Variants in ARHGEF10L observed in about 807,000 individuals in gnomAD.
ARHGEF10L encodes rho guanine nucleotide exchange factor 10-like protein.
A neutral mutation model predicts 141.2 loss-of-function variants in ARHGEF10L; 69 were observed. The ratio of observed to expected loss-of-function variants is 0.49; its 90% CI spans 0.40 to 0.60. The LOEUF (loss-of-function observed/expected upper bound fraction) is 0.60, where lower values mean the gene tolerates loss of function less well. Among genes scored for constraint, ARHGEF10L ranks in the 20% least tolerant of loss-of-function variants. ARHGEF10L has a pLI of 0.00. For synonymous variants in ARHGEF10L, 711 were observed against 718.5 expected, an observed-to-expected ratio of 0.99 and a Z score of 0.17; for missense variants, 1,482 against 1,734.3, an observed-to-expected ratio of 0.85 and a Z score of 2.58.
At chr1:17,538,545 G>C (rs973777226), upstream of ARHGEF10L, among the ~76,000 whole-genome samples, 1 of 152,158 alleles carries the variant, frequency 6.6e-6, no homozygotes, top group African/African-American at 2.4e-5. Context: ...TGCGTGGCCT[G>C]TGTGGCTTGT....
chr1:17,684,489 C>T (rs1398648394), intron 26 of ARHGEF10L, among the ~76,000 whole-genome samples: 1 of 152,124 alleles, frequency 6.6e-6, no homozygotes, highest in Non-Finnish European at 1.5e-5. Flanking sequence ...CTCTGAGCCT[C>T]TTGCACCTGG....
chr1:17,664,489 C>T lies in ARHGEF10L; in HGVS notation c.2903C>T (p.Thr968Ile), dbSNP rs1408487264. The T allele has an allele frequency of 1.2e-6, 2 of 1,607,386 alleles. No individual in the cohort carries two copies. Among genetic ancestry groups the T allele is most frequent in the African/African-American group, 1.3e-5 (1 of 75,012 alleles). The change falls in exon 26 of 29, where the codon ACT becomes ATT. Residue 968 changes from threonine to isoleucine, a missense_variant. By Grantham distance (89) the Thr-to-Ile change is moderately conservative (BLOSUM62 -1). This residue lies in a region of ARHGEF10L where 858 missense variants were observed against 966.3 expected (regional missense o/e 0.89). Transcript: ENST00000361221. Reference protein sequence around the residue: ...WDLESPPVCLTVGPGPVRTLL... With the variant: ...WDLESPPVCLIVGPGPVRTLL... Reference sequence around the variant, plus strand: ...CTGGAGAGCCCTCCCGTGTGCCTGACTGTGGGGCCCGGGCCTGTCCGCACC... The same window carrying T: ...CTGGAGAGCCCTCCCGTGTGCCTGATTGTGGGGCCCGGGCCTGTCCGCACC...
chr1:17,597,434 G>T (rs1325459059), intron 4 of ARHGEF10L, among the ~76,000 whole-genome samples: 1 of 152,128 alleles, frequency 6.6e-6, no homozygotes, highest in Non-Finnish European at 1.5e-5. Context: ...CATCAGGGAG[G>T]GTCACGGGTA....
At chr1:17,605,259 G>A (rs533639214) in intron 6 of ARHGEF10L, among the ~76,000 whole-genome samples, 34 of 152,248 alleles carry the variant, frequency 2.2e-4, no homozygotes, top group African/African-American at 7.9e-4. Flanking sequence ...TTGTGCCTTG[G>A]CTTCTTCACA....
chr1:17,572,896 G>A (rs545869627), intron 1 of ARHGEF10L, among the ~76,000 whole-genome samples: 1 of 152,230 alleles, frequency 6.6e-6, no homozygotes, highest in African/African-American at 2.4e-5. Context: ...TTGGCCCCCT[G>A]GAGGCTTTAG....
chr1:17,641,056 G>A (rs1455773545), intron 21 of ARHGEF10L, among the ~76,000 whole-genome samples: 1 of 152,204 alleles, frequency 6.6e-6, no homozygotes, highest in African/African-American at 2.4e-5. Flanking sequence ...CGCAGACCCT[G>A]TGTGGCCTGA....
Position 17,637,955 on chromosome 1 carries a change from G to T in ARHGEF10L, c.1995G>T (p.Val665=). Residue 665 remains valine, a synonymous_variant, in exon 19 of 29, where the codon GTG becomes GTT. Transcript: ENST00000361221. ...ELQDLQKDLA[V]VEQITLLIST... is the part of the protein sequence containing the mutation. The stretch of plus-strand genomic sequence containing the variant: ...AGGACCTGCAGAAGGACCTGGCCGT[G>T]GTGGAGCAGATCACGCTTCTCATCA... 1 of 1,600,918 alleles carries T rather than the reference G, an allele frequency of 6.2e-7. No homozygotes were observed. Among genetic ancestry groups the T allele is most frequent in the Non-Finnish European group, 8.5e-7 (1 of 1,173,844 alleles).
chr1:17,552,571 G>GTTTTTTTTTTT (rs34766409), intron 1 of ARHGEF10L, among the ~76,000 whole-genome samples: 1 of 44,934 alleles, frequency 2.2e-5, no homozygotes, highest in African/African-American at 1.2e-4. Flanking sequence ...GCTAATTTTC[G>GTTTTTTTTTTT]TTTTTTTTTT....
chr1:17,682,795 A>T (rs551526112), intron 26 of ARHGEF10L, among the ~76,000 whole-genome samples: 1 of 152,222 alleles, frequency 6.6e-6, no homozygotes, highest in East Asian at 1.9e-4. Flanking sequence ...CTTAGAGAGT[A>T]GGACAGCCCC....
At chr1:17,624,798 G>T (rs1571027287) in intron 13 of ARHGEF10L, among the ~76,000 whole-genome samples, 2 of 152,286 alleles carry the variant, frequency 1.3e-5, no homozygotes, top group East Asian at 1.9e-4. Flanking sequence ...TGAGTGGGTG[G>T]GTCTGCCTGG....
At position 17,621,967 on chromosome 1, in the gene ARHGEF10L, G is replaced by A; in HGVS notation, c.1020+26G>A. The A allele has an allele frequency of 6.2e-7, 1 of 1,613,454 alleles. No homozygotes were observed. Among genetic ancestry groups the A allele is most frequent in the Non-Finnish European group, 8.5e-7 (1 of 1,179,398 alleles). ...GTGCGACTTCAGGGAGTTCTCAAGG[G>A]TCTCTGGGGAGAAGCAGGGAGGGCC... On this transcript the variant is annotated intron_variant, in intron 11 of 28. Transcript: ENST00000361221. The surrounding 1 kb of genome is among the most constrained non-coding windows in gnomAD (Gnocchi z 4.1).
the ARHGEF10L span, among the ~76,000 whole-genome samples, chr1:17,527,447 C>T: frequency 1.6e-4 from 25 of 152,306 alleles, no homozygotes; most frequent in African/African-American, 4.3e-4. Flanking sequence ...GAGGCTGGCA[C>T]GGCTCTGTTC....
intron 1 of ARHGEF10L, among the ~76,000 whole-genome samples, chr1:17,569,672 G>C (rs891203606): frequency 6.6e-6 from 1 of 152,112 alleles, no homozygotes; most frequent in African/African-American, 2.4e-5. Flanking sequence ...TGCCAACCTG[G>C]GACACCGGTG....
chr1:17,553,189 C>G (rs2252285), intron 1 of ARHGEF10L, among the ~76,000 whole-genome samples: 8,035 of 152,254 alleles, frequency 0.053, 253 homozygotes, highest in Middle Eastern at 0.065. Context: ...GGACTGGGAG[C>G]CAGTTGCCTG....
At chr1:17,685,163 C>T (rs2064458085) in intron 26 of ARHGEF10L, among the ~76,000 whole-genome samples, 1 of 152,228 alleles carries the variant, frequency 6.6e-6, no homozygotes, top group South Asian at 2.1e-4. Flanking sequence ...CACGCGAGGT[C>T]TTCGGGGGCT....
the ARHGEF10L span, among the ~76,000 whole-genome samples, chr1:17,526,136 A>C: frequency 2.0e-5 from 3 of 152,286 alleles, no homozygotes; most frequent in East Asian, 5.8e-4. Context: ...GAATTGCTCA[A>C]ATGGATGGCT....
upstream of ARHGEF10L, among the ~76,000 whole-genome samples, chr1:17,536,155 C>T (rs2100560809): frequency 6.6e-6 from 1 of 152,306 alleles, no homozygotes; most frequent in African/African-American, 2.4e-5. Flanking sequence ...AGAGAAACAC[C>T]TGTGCATTCA....
chr1:17,537,516 G>A (rs1033914448), upstream of ARHGEF10L, among the ~76,000 whole-genome samples: 22 of 152,178 alleles, frequency 1.4e-4, no homozygotes, highest in African/African-American at 5.3e-4. Flanking sequence ...TGCACCCAGA[G>A]CCAACTTACA....
At chr1:17,611,768 T>C (rs1212846771) in intron 7 of ARHGEF10L, among the ~76,000 whole-genome samples, 1 of 152,188 alleles carries the variant, frequency 6.6e-6, no homozygotes, top group Non-Finnish European at 1.5e-5. Flanking sequence ...TAAAGAGACT[T>C]CTCTAGCTAG....
Sources: allele counts gnomAD v4.1 joint callset (sites outside exome capture counted in the v4.1 genomes callset), GRCh38; gene constraint gnomAD v4.1.1; regional missense constraint gnomAD v4.1.1; non-coding constraint Gnocchi (gnomAD v3.1); transcripts MANE v1.5; gene names NCBI Gene and HGNC (gene_info 2026-07-23, HGNC 2026-07-21).